The following NLGN1 variants were observed in gnomAD, a reference collection of about 807,000 sequenced individuals.
NLGN1 encodes neuroligin-1.
A neutral mutation model predicts 65.5 loss-of-function variants in NLGN1; 12 were observed. The observed-to-expected ratio is 0.18, with a 90% confidence interval of 0.12 to 0.30. NLGN1 has a LOEUF of 0.30. NLGN1 is among the 10% of genes least tolerant of loss of function. The pLI is 1.00. For missense variants in NLGN1, 750 were observed against 1,007.1 expected (o/e 0.74, Z 3.46); for synonymous variants, 350 against 359.5 (o/e 0.97, Z 0.30).
intron 2 of NLGN1, among the ~76,000 whole-genome samples, chr3:173,575,999 T>A (rs971230210): frequency 2.6e-5 from 4 of 152,136 alleles, no homozygotes; most frequent in Non-Finnish European, 1.5e-5. Flanking sequence ...TATGTGGCCA[T>A]TGAGCTATTG....
intron 3 of NLGN1, among the ~76,000 whole-genome samples, chr3:173,700,306 A>G (rs1766934416): frequency 6.6e-6 from 1 of 152,232 alleles, no homozygotes; most frequent in Non-Finnish European, 1.5e-5. Flanking sequence ...AGCAATCAAA[A>G]GAGCCAGATT....
At chr3:173,881,419 CTTTTTT>C (rs71162368) in intron 4 of NLGN1, among the ~76,000 whole-genome samples, 1 of 80,542 alleles carries the variant, frequency 1.2e-5, no homozygotes, top group Non-Finnish European at 2.2e-5. Context: ...TGCTCCACTC[CTTTTTT>C]TTTTTTTTTT....
intron 3 of NLGN1, among the ~76,000 whole-genome samples, chr3:173,778,021 A>G (rs900254961): frequency 1.3e-5 from 2 of 151,854 alleles, no homozygotes; most frequent in Non-Finnish European, 3.0e-5. Flanking sequence ...CTATAACCCA[A>G]TGAAGCACTC....
intron 4 of NLGN1, among the ~76,000 whole-genome samples, chr3:174,086,221 TTATG>T (rs1361929253): frequency 8.3e-6 from 1 of 121,092 alleles, no homozygotes; most frequent in Non-Finnish European, 1.8e-5. Context: ...GTGTGTATAT[TTATG>T]TATGTGCACA....
intron 4 of NLGN1, among the ~76,000 whole-genome samples, chr3:173,995,756 G>T (rs1722142470): frequency 6.8e-6 from 1 of 147,930 alleles, no homozygotes; most frequent in Non-Finnish European, 1.5e-5. Flanking sequence ...GCTCCATCCT[G>T]GCTCACTGTA....
chr3:173,434,423 C>T (rs562292561), intron 1 of NLGN1, among the ~76,000 whole-genome samples: 50 of 152,222 alleles, frequency 3.3e-4, no homozygotes, highest in African/African-American at 1.1e-3. Flanking sequence ...TCATGGGCCT[C>T]ACTTAAGAAA....
chr3:174,114,199 T>C (rs2152626102), intron 4 of NLGN1, among the ~76,000 whole-genome samples: 1 of 152,284 alleles, frequency 6.6e-6, no homozygotes, highest in East Asian at 1.9e-4. Context: ...GCACAGGCTT[T>C]AGTTTTTATG....
At chr3:173,530,523 G>A (rs1736389060) in intron 2 of NLGN1, among the ~76,000 whole-genome samples, 1 of 152,174 alleles carries the variant, frequency 6.6e-6, no homozygotes, top group Admixed American at 6.5e-5. Flanking sequence ...ATTTTCTGAG[G>A]TGAGTTTAGT....
At chr3:173,593,143 A>G (rs1303332477) in intron 2 of NLGN1, among the ~76,000 whole-genome samples, 3 of 152,164 alleles carry the variant, frequency 2.0e-5, no homozygotes, top group Non-Finnish European at 2.9e-5. Flanking sequence ...ATCCTTCTTC[A>G]TACAGTATTT....
intron 3 of NLGN1, among the ~76,000 whole-genome samples, chr3:173,805,926 A>G (rs1716541367): frequency 6.6e-6 from 1 of 152,188 alleles, no homozygotes; most frequent in Non-Finnish European, 1.5e-5. Flanking sequence ...ATCTTTATAA[A>G]TGAATGAATA....
chr3:173,969,761 A>C (rs1715766339), intron 4 of NLGN1, among the ~76,000 whole-genome samples: 1 of 152,120 alleles, frequency 6.6e-6, no homozygotes, highest in African/African-American at 2.4e-5. Flanking sequence ...AAAATCTGGA[A>C]ACTTGATTTT....
chr3:174,150,436 T>C (rs79722205), intron 4 of NLGN1, among the ~76,000 whole-genome samples: 1 of 152,258 alleles, frequency 6.6e-6, no homozygotes, highest in East Asian at 1.9e-4. Flanking sequence ...ATAGCATTAC[T>C]GATCTCTGCA....
intron 1 of NLGN1, among the ~76,000 whole-genome samples, chr3:173,408,493 G>A (rs747379165): frequency 6.6e-6 from 1 of 152,176 alleles, no homozygotes; most frequent in Non-Finnish European, 1.5e-5. Context: ...CATAAAAACA[G>A]CAGCTCATTC....
chr3:173,616,631 C>T (rs189090999), intron 3 of NLGN1, among the ~76,000 whole-genome samples: 117 of 152,226 alleles, frequency 7.7e-4, no homozygotes, highest in Admixed American at 2.4e-3. Flanking sequence ...TGCTTACTCC[C>T]GACATTCAGG....
intron 2 of NLGN1, among the ~76,000 whole-genome samples, chr3:173,466,584 A>G (rs899726728): frequency 2.6e-5 from 4 of 152,160 alleles, no homozygotes; most frequent in Non-Finnish European, 4.4e-5. Context: ...CGTTTTATTC[A>G]TATGTAAAAT....
At chr3:173,723,256 A>T (rs879745431) in intron 3 of NLGN1, among the ~76,000 whole-genome samples, 4 of 152,224 alleles carry the variant, frequency 2.6e-5, no homozygotes, top group Non-Finnish European at 5.9e-5. Context: ...CTTTTACTGC[A>T]TGTTATCAAA....
At chr3:173,609,408 G>T (rs1751928411) in intron 3 of NLGN1, among the ~76,000 whole-genome samples, 1 of 151,856 alleles carries the variant, frequency 6.6e-6, no homozygotes, top group Admixed American at 6.6e-5. Context: ...TACGTGCTCT[G>T]GTTCATGGTC....
chr3:173,860,491 T>C (rs775466605), intron 4 of NLGN1, among the ~76,000 whole-genome samples: 4 of 152,190 alleles, frequency 2.6e-5, no homozygotes, highest in Non-Finnish European at 2.9e-5. Flanking sequence ...AATTACCTCT[T>C]TTGTTCTAGA....
chr3:173,574,862 G>GTTT (rs1409604641), intron 2 of NLGN1, among the ~76,000 whole-genome samples: 1 of 152,146 alleles, frequency 6.6e-6, no homozygotes, highest in Non-Finnish European at 1.5e-5. Context: ...CTATGCAAAT[G>GTTT]ACACATTTGA....
Sources: gnomAD v4.1 joint callset for allele counts (sites outside exome capture counted in the v4.1 genomes callset) on GRCh38, gnomAD v4.1.1 for gene constraint, MANE v1.5 for transcripts, NCBI Gene and HGNC (gene_info 2026-07-23, HGNC 2026-07-21) for gene names.